Variants in UBE2E2 observed in about 807,000 individuals in gnomAD.
UBE2E2 encodes ubiquitin-conjugating enzyme E2 E2.
In UBE2E2, 6 loss-of-function variants were observed where a neutral mutation model predicts 24.7. The ratio of observed to expected loss-of-function variants is 0.24; its 90% CI spans 0.13 to 0.48. The LOEUF (loss-of-function observed/expected upper bound fraction) is 0.48, where lower values mean the gene tolerates loss of function less well. Among genes scored for constraint, UBE2E2 ranks in the 20% least tolerant of loss-of-function variants. The probability of loss-of-function intolerance (pLI) is 0.99; values close to 1 mark genes in which losing one functional copy is unlikely to be tolerated. For synonymous variants in UBE2E2, 104 were observed against 83.6 expected, an observed-to-expected ratio of 1.24 and a Z score of -1.33; for missense variants, 169 against 245.0, an observed-to-expected ratio of 0.69 and a Z score of 2.07.
chr3:23,265,318 T>C (rs755433521), intron 3 of UBE2E2, among the ~76,000 whole-genome samples: 2 of 152,120 alleles, frequency 1.3e-5, no homozygotes, highest in Non-Finnish European at 2.9e-5. Context: ...AGTTAGGGTG[T>C]CTTTCTCACT....
chr3:23,401,913 A>C (rs1697233443), intron 3 of UBE2E2, among the ~76,000 whole-genome samples: 1 of 130,684 alleles, frequency 7.7e-6, no homozygotes, highest in Non-Finnish European at 1.5e-5. Flanking sequence ...GCTGGAGTGC[A>C]GTGGGGCATC....
rs1325183273 is a variant in UBE2E2 at position 23,583,451 on chromosome 3, T to C, written c.509-6283T>C. 6.6e-6 allele frequency among the ~76,000 whole-genome samples: 1 copy of C among 152,216 alleles called. No homozygotes were observed. Among genetic ancestry groups the C allele is most frequent in the Non-Finnish European group, 1.5e-5 (1 of 68,034 alleles). ...CCATATGAATTTTAAAATAGTTTTTTCTAGTTCTGTGAAGAATGTCATTGG... is the reference window on the plus strand; with the variant it reads ...CCATATGAATTTTAAAATAGTTTTTCCTAGTTCTGTGAAGAATGTCATTGG... On this transcript the variant is annotated intron_variant, in intron 5 of 5. Coordinates refer to ENST00000396703, the MANE Select transcript of UBE2E2 (RefSeq NM_152653.4). This position sits in a 1 kb window ranked among gnomAD's most constrained non-coding sequence, Gnocchi z 4.1.
At chr3:23,481,421 G>T (rs1699257300) in intron 3 of UBE2E2, among the ~76,000 whole-genome samples, 1 of 152,178 alleles carries the variant, frequency 6.6e-6, no homozygotes, top group Non-Finnish European at 1.5e-5. Context: ...ATTAGTTGGT[G>T]CCTTCAGAGC....
chr3:23,359,599 A>G (rs1217210899), intron 3 of UBE2E2, among the ~76,000 whole-genome samples: 1 of 152,182 alleles, frequency 6.6e-6, no homozygotes, highest in Non-Finnish European at 1.5e-5. Context: ...AATTTGTAGC[A>G]CGTTTAGAAA....
chr3:23,349,917 G>A (rs559035977), intron 3 of UBE2E2, among the ~76,000 whole-genome samples: 31 of 152,306 alleles, frequency 2.0e-4, no homozygotes, highest in South Asian at 1.4e-3. Context: ...ATCTGAGAAC[G>A]GGCAGACTGC....
At position 23,450,022 on chromosome 3, in the gene UBE2E2, A is replaced by G. The variant is rs566494645; in HGVS notation, c.228-49586A>G. On this transcript the variant is annotated intron_variant, in intron 3 of 5. Coordinates refer to ENST00000396703, the MANE Select transcript of UBE2E2 (RefSeq NM_152653.4). ...AGCAATGGCTTTGAGGACCTCAGCA[A>G]TTTTTTCATTTATTGGTGGCCATTT... 1.1e-4 allele frequency: 78 copies of G among 697,360 alleles called. No individual in the cohort carries two copies. The African/African-American group carries it at 1.3e-3, about 12-fold the overall frequency. 43.2% of individuals were successfully genotyped at this position (697,360 alleles called of 1,614,324 possible).
chr3:23,222,001 T>A (rs886594186), intron 3 of UBE2E2, among the ~76,000 whole-genome samples: 2 of 152,078 alleles, frequency 1.3e-5, no homozygotes, highest in Non-Finnish European at 2.9e-5. Flanking sequence ...TTCCTCTTGA[T>A]CCCCCCACTC....
intron 3 of UBE2E2, among the ~76,000 whole-genome samples, chr3:23,341,925 A>G (rs1695399762): frequency 6.6e-6 from 1 of 152,220 alleles, no homozygotes; most frequent in Non-Finnish European, 1.5e-5. Context: ...GACTTCAAAG[A>G]TTAAGTAATT....
At chr3:23,284,362 T>C (rs551656372) in intron 3 of UBE2E2, among the ~76,000 whole-genome samples, 1 of 152,100 alleles carries the variant, frequency 6.6e-6, no homozygotes, top group African/African-American at 2.4e-5. Context: ...TCATAAAATA[T>C]TTGGACAGTT....
chr3:23,301,055 C>G (rs1015252262), intron 3 of UBE2E2, among the ~76,000 whole-genome samples: 1 of 152,210 alleles, frequency 6.6e-6, no homozygotes, highest in African/African-American at 2.4e-5. Flanking sequence ...CACTGATACC[C>G]TTTCTTCCAA....
intron 4 of UBE2E2, among the ~76,000 whole-genome samples, chr3:23,525,898 G>T (rs984132696): frequency 4.0e-4 from 61 of 152,306 alleles, no homozygotes; most frequent in African/African-American, 1.4e-3. Flanking sequence ...CCTTCTGGCA[G>T]TTGCAAATTC....
At chr3:23,391,349 TG>T (rs1349011012) in intron 3 of UBE2E2, among the ~76,000 whole-genome samples, 3 of 152,242 alleles carry the variant, frequency 2.0e-5, no homozygotes, top group Admixed American at 6.5e-5. Flanking sequence ...AGACTTAGAA[TG>T]TATATGCAAA....
At chr3:23,495,105 GC>G (rs1183200135) in intron 3 of UBE2E2, among the ~76,000 whole-genome samples, 1 of 152,104 alleles carries the variant, frequency 6.6e-6, no homozygotes, top group Non-Finnish European at 1.5e-5. Context: ...ATAATTTGTT[GC>G]TACTGGCTAA....
chr3:23,272,201 G>A (rs981380793), intron 3 of UBE2E2, among the ~76,000 whole-genome samples: 39 of 152,164 alleles, frequency 2.6e-4, no homozygotes, highest in African/African-American at 9.4e-4. Flanking sequence ...GCGAGAGTTC[G>A]AGTGTGGCAC....
At chr3:23,547,770 T>G (rs1695554752) in intron 5 of UBE2E2, among the ~76,000 whole-genome samples, 2 of 152,204 alleles carry the variant, frequency 1.3e-5, no homozygotes, top group Admixed American at 1.3e-4. Flanking sequence ...TCAGTAGAGA[T>G]CCCCATGTGG....
chr3:23,306,027 A>G (rs1699227607), intron 3 of UBE2E2, among the ~76,000 whole-genome samples: 1 of 152,236 alleles, frequency 6.6e-6, no homozygotes, highest in African/African-American at 2.4e-5. Flanking sequence ...GACCATATTA[A>G]CAATTATCCT....
chr3:23,530,114 CTTTA>C (rs1695088222), intron 4 of UBE2E2, among the ~76,000 whole-genome samples: 2 of 152,278 alleles, frequency 1.3e-5, no homozygotes, highest in East Asian at 3.9e-4. Flanking sequence ...TAGATTCTGA[CTTTA>C]CATTATGGTC....
chr3:23,587,996 T>G (rs1301241689), intron 5 of UBE2E2, among the ~76,000 whole-genome samples: 1 of 152,242 alleles, frequency 6.6e-6, no homozygotes, highest in Non-Finnish European at 1.5e-5. Flanking sequence ...GCAAGTCTTG[T>G]TGAGCAGGCT....
chr3:23,366,714 G>T (rs1696264885), intron 3 of UBE2E2, among the ~76,000 whole-genome samples: 1 of 151,904 alleles, frequency 6.6e-6, no homozygotes, highest in South Asian at 2.1e-4. Flanking sequence ...AAACCCCTGT[G>T]ACATGCAATT....
Sources: gnomAD v4.1 joint callset for allele counts (sites outside exome capture counted in the v4.1 genomes callset) on GRCh38, gnomAD v4.1.1 for gene constraint, Gnocchi (gnomAD v3.1) non-coding constraint, MANE v1.5 for transcripts, NCBI Gene and HGNC (gene_info 2026-07-23, HGNC 2026-07-21) for gene names.